FAM107B: variants seen among roughly 807,000 people sequenced by gnomAD.
The protein encoded by FAM107B is family with sequence similarity 107 member B, also known as protein FAM107B.
Under a neutral mutation model 31.5 loss-of-function variants are expected in FAM107B, and 21 were observed. The observed-to-expected ratio is 0.67, with a 90% CI of 0.47 to 0.96. FAM107B has a LOEUF of 0.96. Among genes scored for constraint, FAM107B ranks in the 40% least tolerant of loss-of-function variants. FAM107B has a pLI of 0.00. For synonymous variants in FAM107B, 157 were observed against 141.5 expected (o/e 1.11, Z -0.78); for missense variants, 452 against 377.1 (o/e 1.20, Z -1.64).
chr10:14,683,933 G>A (rs1212855078), intron 1 of FAM107B, among the ~76,000 whole-genome samples: 1 of 152,216 alleles, frequency 6.6e-6, no homozygotes, highest in Non-Finnish European at 1.5e-5. Context: ...CAGTTAAAGA[G>A]AGAAGCGTGT....
intron 1 of FAM107B, among the ~76,000 whole-genome samples, chr10:14,715,050 CAA>C (rs1256776418): frequency 1.3e-5 from 2 of 152,278 alleles, no homozygotes; most frequent in East Asian, 1.9e-4. Flanking sequence ...CCAGGCCACA[CAA>C]AGTCTCCAAC....
At chr10:14,676,169 A>G (rs1485796277) in intron 1 of FAM107B, among the ~76,000 whole-genome samples, 1 of 152,008 alleles carries the variant, frequency 6.6e-6, no homozygotes, top group Non-Finnish European at 1.5e-5. Flanking sequence ...AGAATCAAAA[A>G]CAAAACAAAA....
intron 2 of FAM107B, among the ~76,000 whole-genome samples, chr10:14,665,921 G>A (rs562750678): frequency 4.6e-5 from 7 of 151,984 alleles, no homozygotes; most frequent in Non-Finnish European, 7.4e-5. Context: ...TTTTCATATC[G>A]CAGAAATCTA....
chr10:14,661,601 G>A (rs1297642748), intron 2 of FAM107B: 3 of 152,198 alleles, frequency 2.0e-5, no homozygotes, highest in Non-Finnish European at 4.4e-5. Flanking sequence ...GGGGCTCTTG[G>A]ATCTCGAGTC....
chr10:14,610,113 G>A (rs989026106), intron 2 of FAM107B, among the ~76,000 whole-genome samples: 4 of 152,198 alleles, frequency 2.6e-5, no homozygotes, highest in African/African-American at 9.7e-5. Flanking sequence ...GGAGGCCGAG[G>A]CGGGTGGATC....
At chr10:14,666,335 A>G (rs957249873) in intron 2 of FAM107B, among the ~76,000 whole-genome samples, 1 of 152,178 alleles carries the variant, frequency 6.6e-6, no homozygotes, top group Non-Finnish European at 1.5e-5. Context: ...CCTTCTTCAC[A>G]TGACAGTAGC....
chr10:14,680,836 T>C (rs1854816560), intron 1 of FAM107B, among the ~76,000 whole-genome samples: 1 of 152,310 alleles, frequency 6.6e-6, no homozygotes, highest in South Asian at 2.1e-4. Context: ...TGGAGCCCAG[T>C]GTCTCCCTTT....
At chr10:14,554,342 A>T (rs1849517816) in intron 2 of FAM107B, 1 of 164,734 alleles carries the variant, frequency 6.1e-6, no homozygotes, top group Admixed American at 6.5e-5. Flanking sequence ...AGCATTGCTC[A>T]GACAGGGCAA....
chr10:14,555,645 T>C (rs976454214), intron 2 of FAM107B, among the ~76,000 whole-genome samples: 6 of 152,208 alleles, frequency 3.9e-5, no homozygotes, highest in Non-Finnish European at 8.8e-5. Flanking sequence ...TGGGCATTAT[T>C]TGTTTCCTCA....
chr10:14,630,030 G>A (rs955034116), intron 2 of FAM107B, among the ~76,000 whole-genome samples: 4 of 151,984 alleles, frequency 2.6e-5, no homozygotes, highest in African/African-American at 4.8e-5. Flanking sequence ...TATTTATCAC[G>A]TGAAACTTTG....
chr10:14,675,896 G>A (rs541722757), intron 1 of FAM107B, among the ~76,000 whole-genome samples: 80 of 152,282 alleles, frequency 5.3e-4, no homozygotes, highest in African/African-American at 1.9e-3. Flanking sequence ...AGTGAATCAC[G>A]CCTGGAATCC....
intron 2 of FAM107B, among the ~76,000 whole-genome samples, chr10:14,544,304 T>C (rs1237216814): frequency 1.3e-5 from 2 of 152,302 alleles, no homozygotes; most frequent in South Asian, 4.1e-4. Context: ...AAATCACCTA[T>C]ACCAACACTT....
intron 1 of FAM107B, among the ~76,000 whole-genome samples, chr10:14,747,375 C>G (rs754780827): frequency 6.6e-6 from 1 of 152,168 alleles, no homozygotes; most frequent in Non-Finnish European, 1.5e-5. Context: ...GAGGCACTCT[C>G]ATTTTTGAGT....
chr10:14,604,980 G>A (rs924176628), intron 2 of FAM107B, among the ~76,000 whole-genome samples: 2 of 151,958 alleles, frequency 1.3e-5, no homozygotes, highest in Admixed American at 1.3e-4. Flanking sequence ...ACCCAAGAGC[G>A]TCTCGCTCCT....
intron 1 of FAM107B, among the ~76,000 whole-genome samples, chr10:14,766,191 A>C (rs1588766408): frequency 6.6e-6 from 1 of 152,220 alleles, no homozygotes; most frequent in East Asian, 1.9e-4. Context: ...AGATGGCTTC[A>C]GGGGAACATG....
chr10:14,763,464 T>A (rs1833098461), intron 1 of FAM107B, among the ~76,000 whole-genome samples: 1 of 152,140 alleles, frequency 6.6e-6, no homozygotes, highest in Non-Finnish European at 1.5e-5. Context: ...TGCCTCTAAT[T>A]GTTAGAGGCT....
chr10:14,602,863 A>G (rs543256221), intron 2 of FAM107B: 1 of 152,272 alleles, frequency 6.6e-6, no homozygotes, highest in East Asian at 1.9e-4. Context: ...ATAAGAAAAT[A>G]TATTTCAAAA....
At position 14,629,438 on chromosome 10, in the gene FAM107B, T is replaced by TATATTTAATATATATA. The variant is rs1853282085; in HGVS notation, c.469+38195_469+38196insTATATATATTAAATAT. Among the ~76,000 whole-genome samples, 12 of 6,124 alleles carry TATATTTAATATATATA rather than the reference T, an allele frequency of 2.0e-3. 1 individual carries two copies. Among genetic ancestry groups the TATATTTAATATATATA allele is most frequent in the South Asian group, 7.4e-3 (1 of 136 alleles). 4.0% of individuals were successfully genotyped at this position (6,124 alleles called of 152,430 possible). A position where few individuals can be genotyped will look rare whatever the true frequency, so the allele number is the denominator to read the frequency against. The stretch of plus-strand genomic sequence containing the variant: ...TATATAATATATATAATATATATTA[T>TATATTTAATATATATA]ATATATATTATATATATATTATATA... On this transcript the variant is annotated intron_variant, in intron 2 of 4. Transcript: ENST00000181796.
intron 2 of FAM107B, among the ~76,000 whole-genome samples, chr10:14,612,087 G>A (rs1852741706): frequency 6.6e-6 from 1 of 151,864 alleles, no homozygotes; most frequent in Admixed American, 6.6e-5. Context: ...AGAGAGCTGT[G>A]TGATCCACTC....
Sources: allele counts gnomAD v4.1 joint callset (sites outside exome capture counted in the v4.1 genomes callset), GRCh38; gene constraint gnomAD v4.1.1; transcripts MANE v1.5; gene names NCBI Gene and HGNC (gene_info 2026-07-23, HGNC 2026-07-21).